DLG2: variants seen among roughly 807,000 people sequenced by gnomAD.
DLG2 encodes the protein discs large MAGUK scaffold protein 2.
Under a neutral mutation model 132.5 loss-of-function variants are expected in DLG2, and 45 were observed. The observed-to-expected ratio is 0.34, with a 90% CI of 0.27 to 0.44. The LOEUF is 0.44. Ranked by LOEUF, DLG2 falls within the 20% of genes least tolerant of loss-of-function variation. DLG2 has a pLI of 1.00. For missense variants in DLG2, 1,045 were observed against 1,196.9 expected (o/e 0.87, Z 1.87); for synonymous variants, 424 against 419.6 (o/e 1.01, Z -0.13).
chr11:84,269,983 T>C (rs578103478), intron 7 of DLG2, among the ~76,000 whole-genome samples: 2 of 152,196 alleles, frequency 1.3e-5, no homozygotes, highest in Admixed American at 6.5e-5. Flanking sequence ...GTCTGACACA[T>C]AGTAGGGGCT....
Position 85,598,785 on chromosome 11 carries a change from G to T in DLG2, c.-89C>A. 1 of 1,003,940 alleles carries T rather than the reference G, an allele frequency of 1.0e-6. No individual in the cohort carries two copies. The highest frequency in any genetic ancestry group is 1.4e-6 in the Non-Finnish European group (1 of 701,660). The allele number at this position is 1,003,940 out of a possible 1,614,324, so 62.2% of individuals were successfully genotyped here. A position where few individuals can be genotyped will look rare whatever the true frequency, so the allele number is the denominator to read the frequency against. On this transcript the variant is annotated 5_prime_UTR_variant, in exon 3 of 28. The change creates a new upstream start codon in the 5' untranslated region. Transcript: ENST00000376104. ...TTCCAGTAATGATAAAGCTCGGTCA[G>T]TATCTGAAAAACATGATATTATTAT...
intron 6 of DLG2, among the ~76,000 whole-genome samples, chr11:84,692,490 T>G (rs1481727559): frequency 6.6e-6 from 1 of 151,744 alleles, no homozygotes; most frequent in Admixed American, 6.6e-5. Context: ...TCTCCCAGTT[T>G]ATACCAGGTA....
chr11:85,225,462 T>C (rs1329936837), intron 4 of DLG2, among the ~76,000 whole-genome samples: 1 of 152,168 alleles, frequency 6.6e-6, no homozygotes, highest in African/African-American at 2.4e-5. Context: ...ATTAAAATCT[T>C]AACCTAAGTT....
intron 4 of DLG2, among the ~76,000 whole-genome samples, chr11:85,173,425 A>T (rs2079012251): frequency 6.6e-6 from 1 of 152,210 alleles, no homozygotes; most frequent in Admixed American, 6.5e-5. Context: ...GCAAATGCTG[A>T]TGTAATTTAT....
intron 4 of DLG2, among the ~76,000 whole-genome samples, chr11:85,167,915 CA>C (rs2078576610): frequency 6.6e-6 from 1 of 152,046 alleles, no homozygotes; most frequent in African/African-American, 2.4e-5. Flanking sequence ...TTCAGGATTA[CA>C]AACAATGGGT....
In DLG2 at chr11:84,578,147, C is replaced by T. The variant is rs138287002; in HGVS notation, c.358-43416G>A. ...GTATGGAAATGACTGGATGCCTGGG[C>T]AAAATTTTGCTGCATGGACGGGGCC... is the stretch of plus-strand genomic sequence containing the variant. On this transcript the variant is annotated intron_variant, in intron 6 of 27. Coordinates refer to ENST00000376104, the MANE Select transcript of DLG2 (RefSeq NM_001142699.3). Among the ~76,000 whole-genome samples, 172 of 152,274 alleles carry T rather than the reference C, an allele frequency of 1.1e-3. 1 individual carries two copies. Among genetic ancestry groups the T allele is most frequent in the African/African-American group, 3.7e-3 (152 of 41,550 alleles).
intron 3 of DLG2, among the ~76,000 whole-genome samples, chr11:85,583,651 T>C (rs1450288660): frequency 6.6e-6 from 1 of 152,172 alleles, no homozygotes; most frequent in Non-Finnish European, 1.5e-5. Context: ...AGATGAATAC[T>C]CCTCATTCTC....
chr11:85,476,252 T>A (rs2093138023), intron 3 of DLG2, among the ~76,000 whole-genome samples: 1 of 152,028 alleles, frequency 6.6e-6, no homozygotes, highest in Non-Finnish European at 1.5e-5. Context: ...TATGAAAGAT[T>A]TTTAAACGAT....
chr11:84,685,732 G>A (rs2099737525), intron 6 of DLG2, among the ~76,000 whole-genome samples: 1 of 151,684 alleles, frequency 6.6e-6, no homozygotes, highest in Non-Finnish European at 1.5e-5. Flanking sequence ...TTGAGACGGA[G>A]TCTCGCTCTG....
chr11:85,361,186 C>G (rs758879571), intron 3 of DLG2, among the ~76,000 whole-genome samples: 2 of 152,156 alleles, frequency 1.3e-5, no homozygotes, highest in Non-Finnish European at 2.9e-5. Context: ...GACAAAGTCT[C>G]ACTCTGTCAC....
chr11:83,764,391 G>A (rs1846304443), intron 18 of DLG2, among the ~76,000 whole-genome samples: 1 of 152,152 alleles, frequency 6.6e-6, no homozygotes, highest in Non-Finnish European at 1.5e-5. Context: ...CAAAAAATCA[G>A]ATTAAAGCAA....
intron 16 of DLG2, among the ~76,000 whole-genome samples, chr11:83,850,160 G>GTGTTTTTT (rs1452960432): frequency 2.0e-4 from 25 of 124,372 alleles, no homozygotes; most frequent in African/African-American, 8.3e-4. Context: ...GTGTGTGTGT[G>GTGTTTTTT]TTTTTTTACT....
chr11:83,550,823 G>C (rs941545170), intron 19 of DLG2, among the ~76,000 whole-genome samples: 1 of 152,082 alleles, frequency 6.6e-6, no homozygotes, highest in African/African-American at 2.4e-5. Context: ...ACACAGCCCT[G>C]ATTACAGTCT....
At chr11:84,724,916 G>A (rs1208865435) in intron 6 of DLG2, among the ~76,000 whole-genome samples, 2 of 152,156 alleles carry the variant, frequency 1.3e-5, no homozygotes, top group East Asian at 1.9e-4. Flanking sequence ...TTCTCATGGT[G>A]GAAGGAAAAA....
chr11:84,994,857 A>G (rs765387456), intron 6 of DLG2, among the ~76,000 whole-genome samples: 44 of 152,216 alleles, frequency 2.9e-4, no homozygotes, highest in African/African-American at 1.4e-4. Flanking sequence ...AATTCAGAAC[A>G]TAGGGCCTCT....
intron 6 of DLG2, among the ~76,000 whole-genome samples, chr11:84,764,534 G>T (rs2068119599): frequency 6.6e-6 from 1 of 152,014 alleles, no homozygotes; most frequent in South Asian, 2.1e-4. Context: ...GTCCTATCAA[G>T]AAGACACTGT....
At position 84,307,695 on chromosome 11, in the gene DLG2, C is replaced by CAAAAAAAAAAAAAAA. The variant is rs1222486667; in HGVS notation, c.520-56419_520-56405dup. 2.0e-3 allele frequency among the ~76,000 whole-genome samples: 154 copies of CAAAAAAAAAAAAAAA among 77,924 alleles called. 4 individuals are homozygous for CAAAAAAAAAAAAAAA. Among genetic ancestry groups the CAAAAAAAAAAAAAAA allele is most frequent in the Middle Eastern group, 7.9e-3 (1 of 126 alleles). The allele number at this position is 77,924 out of a possible 152,430, so 51.1% of individuals were successfully genotyped here. On this transcript the variant is annotated intron_variant, in intron 7 of 27. Coordinates refer to ENST00000376104, the MANE Select transcript of DLG2 (RefSeq NM_001142699.3). ...TGGGTGAAAGAGCGAGACGCAGTCT[C>CAAAAAAAAAAAAAAA]AAAAAAAAAAAAAAAAAAAAAGAAG...
At chr11:83,721,569 C>T (rs1593089238) in intron 18 of DLG2, among the ~76,000 whole-genome samples, 3 of 152,328 alleles carry the variant, frequency 2.0e-5, no homozygotes, top group South Asian at 2.1e-4. Context: ...ACTTGTTTTG[C>T]CTCCTTGTCT....
intron 6 of DLG2, among the ~76,000 whole-genome samples, chr11:84,571,981 G>A (rs2099486283): frequency 6.6e-6 from 1 of 151,974 alleles, no homozygotes; most frequent in Non-Finnish European, 1.5e-5. Flanking sequence ...ACTCTTTGAG[G>A]TAAATACTTC....
Sources: allele counts gnomAD v4.1 joint callset (sites outside exome capture counted in the v4.1 genomes callset), GRCh38; gene constraint gnomAD v4.1.1; transcripts MANE v1.5; gene names NCBI Gene and HGNC (gene_info 2026-07-23, HGNC 2026-07-21).